EYA2: variants seen among roughly 807,000 people sequenced by gnomAD.
The protein encoded by EYA2 is EYA transcriptional coactivator and phosphatase 2, also known as protein phosphatase EYA2.
Under a neutral mutation model 69.2 loss-of-function variants are expected in EYA2, and 31 were observed. The observed-to-expected ratio is 0.45, with a 90% CI of 0.34 to 0.60. The LOEUF is 0.60. Among genes scored for constraint, EYA2 ranks in the 20% least tolerant of loss-of-function variants. The pLI is 0.02. For missense variants in EYA2, 622 were observed against 701.2 expected, an observed-to-expected ratio of 0.89 and a Z score of 1.28; for synonymous variants, 257 against 279.4, an observed-to-expected ratio of 0.92 and a Z score of 0.80.
intron 12 of EYA2, among the ~76,000 whole-genome samples, chr20:47,176,380 T>G (rs953331614): frequency 7.6e-6 from 1 of 130,872 alleles, no homozygotes; most frequent in African/African-American, 3.4e-5. Flanking sequence ...ATGCCCGGCT[T>G]TAAATTCTTA....
intron 10 of EYA2, among the ~76,000 whole-genome samples, chr20:47,168,392 T>C (rs981954201): frequency 6.6e-6 from 1 of 152,044 alleles, no homozygotes; most frequent in Non-Finnish European, 1.5e-5. Context: ...GGTTTCATCA[T>C]GTTGGCCAGG....
At chr20:47,085,967 CTAAA>C (rs2031881720) in intron 7 of EYA2, among the ~76,000 whole-genome samples, 1 of 152,124 alleles carries the variant, frequency 6.6e-6, no homozygotes, top group Admixed American at 6.6e-5. Context: ...ATTGTGTACT[CTAAA>C]TATGTCTAGT....
In EYA2 at chr20:46,929,846, G is replaced by A. The variant is rs551665118; in HGVS notation, c.-11+34859G>A. 3.9e-5 allele frequency among the ~76,000 whole-genome samples: 6 copies of A among 152,118 alleles called. No individual in the cohort carries two copies. The South Asian group carries it at 1.0e-3, about 26-fold the overall frequency. On this transcript the variant is annotated intron_variant, in intron 1 of 15. Coordinates refer to ENST00000327619, the MANE Select transcript of EYA2 (RefSeq NM_005244.5). ...TGTCTCTTAAAAAAAAAAAAATTGAGTAGTGAGATTTTAATCCAAGAAGAC... is the reference window on the plus strand; with the variant it reads ...TGTCTCTTAAAAAAAAAAAAATTGAATAGTGAGATTTTAATCCAAGAAGAC...
chr20:47,074,151 T>G lies in EYA2; in HGVS notation c.484-7T>G. 1.3e-6 allele frequency: 2 copies of G among 1,590,280 alleles called. No individual in the cohort carries two copies. Among genetic ancestry groups the G allele is most frequent in the Non-Finnish European group, 1.7e-6 (2 of 1,163,996 alleles). ...CATATGTCCTTGGTTTGTTTTTCTCTTCCCAGGACTATCCTTCCTACCCCG... is the reference window on the plus strand; with the variant it reads ...CATATGTCCTTGGTTTGTTTTTCTCGTCCCAGGACTATCCTTCCTACCCCG... On this transcript the variant is annotated splice_region_variant and splice_polypyrimidine_tract_variant and intron_variant, in intron 6 of 15. Transcript: ENST00000327619.
At chr20:46,953,933 C>T (rs1215358199) in intron 1 of EYA2, among the ~76,000 whole-genome samples, 4 of 152,226 alleles carry the variant, frequency 2.6e-5, no homozygotes, top group African/African-American at 9.6e-5. Flanking sequence ...TTCCCCAGGG[C>T]CTACAAGGCC....
intron 1 of EYA2, among the ~76,000 whole-genome samples, chr20:46,954,839 C>G (rs190110310): frequency 2.3e-4 from 34 of 150,216 alleles, no homozygotes; most frequent in African/African-American, 8.3e-4. Context: ...TTCTCAGAGC[C>G]AAGGGGAAGC....
intron 5 of EYA2, among the ~76,000 whole-genome samples, chr20:47,024,713 C>T (rs898342693): frequency 6.6e-6 from 1 of 152,226 alleles, no homozygotes; most frequent in African/African-American, 2.4e-5. Context: ...TATCCTGGGG[C>T]AATCATACAG....
chr20:47,035,547 G>A (rs901642931), intron 5 of EYA2, among the ~76,000 whole-genome samples: 14 of 152,146 alleles, frequency 9.2e-5, no homozygotes, highest in African/African-American at 1.9e-4. Context: ...TCTCTCCAGC[G>A]TGCACCTCTG....
intron 11 of EYA2, among the ~76,000 whole-genome samples, chr20:47,170,115 C>T (rs113674373): frequency 0.18 from 27,429 of 151,210 alleles, 7,578 homozygotes; most frequent in African/African-American, 0.6. Context: ...ACCATATTGG[C>T]CAGGCTGGTC....
chr20:47,186,236 C>T (rs575255861), intron 15 of EYA2, among the ~76,000 whole-genome samples: 44 of 152,218 alleles, frequency 2.9e-4, no homozygotes, highest in Non-Finnish European at 6.2e-4. Flanking sequence ...GTACAGAAGG[C>T]CCCACTGGGG....
chr20:47,163,231 A>C (rs927143083), intron 10 of EYA2, among the ~76,000 whole-genome samples: 1 of 152,058 alleles, frequency 6.6e-6, no homozygotes, highest in Admixed American at 6.5e-5. Context: ...GGGTTTCACT[A>C]TGTTGGCCAG....
At chr20:47,130,256 A>ATTTTGTTT (rs1392782309) in intron 9 of EYA2, among the ~76,000 whole-genome samples, 1 of 69,782 alleles carries the variant, frequency 1.4e-5, no homozygotes, top group African/African-American at 7.7e-5. Context: ...AAGAAGGTTT[A>ATTTTGTTT]TTTTCTTTTT....
At chr20:46,944,916 C>T (rs1978362906) in intron 1 of EYA2, among the ~76,000 whole-genome samples, 1 of 152,126 alleles carries the variant, frequency 6.6e-6, no homozygotes, top group Non-Finnish European at 1.5e-5. Context: ...CCAGCCTGGG[C>T]AACATGGCAA....
chr20:47,149,929 G>C (rs2033790315), intron 10 of EYA2, among the ~76,000 whole-genome samples: 1 of 152,178 alleles, frequency 6.6e-6, no homozygotes, highest in African/African-American at 2.4e-5. Context: ...GGACTGAGGA[G>C]GGGGCCTTCC....
intron 9 of EYA2, among the ~76,000 whole-genome samples, chr20:47,134,427 A>G (rs1280842590): frequency 6.6e-6 from 1 of 152,198 alleles, no homozygotes; most frequent in Non-Finnish European, 1.5e-5. Flanking sequence ...AGCAATATAA[A>G]CAGTAGCTAT....
chr20:47,111,976 T>A (rs907494319), intron 9 of EYA2, among the ~76,000 whole-genome samples: 18 of 143,424 alleles, frequency 1.3e-4, no homozygotes, highest in Non-Finnish European at 1.7e-4. Context: ...CAAAAAAAAA[T>A]TTTTTTTTCA....
intron 5 of EYA2, among the ~76,000 whole-genome samples, chr20:47,063,721 A>T (rs1050472289): frequency 6.6e-6 from 1 of 152,190 alleles, no homozygotes; most frequent in Admixed American, 6.5e-5. Context: ...CCGTGGGCCA[A>T]GTCTTCATTT....
intron 10 of EYA2, among the ~76,000 whole-genome samples, chr20:47,144,428 T>G (rs979211503): frequency 1.2e-4 from 18 of 152,182 alleles, no homozygotes; most frequent in African/African-American, 4.3e-4. Flanking sequence ...TCTATTTCTC[T>G]TAGTAGGAAT....
chr20:47,105,008 C>T (rs1288321736), intron 9 of EYA2, among the ~76,000 whole-genome samples: 1 of 151,702 alleles, frequency 6.6e-6, no homozygotes, highest in Non-Finnish European at 1.5e-5. Context: ...GCGACAGAGC[C>T]AGACTCTATC....
Sources: gnomAD v4.1 joint callset for allele counts (sites outside exome capture counted in the v4.1 genomes callset) on GRCh38, gnomAD v4.1.1 for gene constraint, MANE v1.5 for transcripts, NCBI Gene and HGNC (gene_info 2026-07-23, HGNC 2026-07-21) for gene names.